CACNA2D3: variants seen among roughly 807,000 people sequenced by gnomAD.
CACNA2D3 encodes calcium voltage-gated channel auxiliary subunit alpha2delta 3, also known as voltage-dependent calcium channel subunit alpha-2/delta-3.
CACNA2D3 carries 60 observed loss-of-function variants against 160.6 expected under a neutral mutation model. That is an observed-to-expected ratio of 0.37 (90% CI 0.30 to 0.46). The LOEUF (loss-of-function observed/expected upper bound fraction) is 0.46, where lower values mean the gene tolerates loss of function less well. Among genes scored for constraint, CACNA2D3 ranks in the 20% least tolerant of loss-of-function variants. The pLI, the probability that CACNA2D3 is intolerant of heterozygous loss-of-function variation, is 1.00. For missense variants in CACNA2D3, 1,205 were observed against 1,365.0 expected, an observed-to-expected ratio of 0.88 and a Z score of 1.85; for synonymous variants, 558 against 492.9, an observed-to-expected ratio of 1.13 and a Z score of -1.75.
chr3:54,344,409 G>C (rs1193440723), intron 3 of CACNA2D3, among the ~76,000 whole-genome samples: 1 of 152,184 alleles, frequency 6.6e-6, no homozygotes, highest in Non-Finnish European at 1.5e-5. Flanking sequence ...GGGAGAAAGG[G>C]AGACCTATCC....
chr3:54,248,364 C>A (rs925405737), intron 2 of CACNA2D3, among the ~76,000 whole-genome samples: 13 of 151,780 alleles, frequency 8.6e-5, no homozygotes, highest in African/African-American at 3.1e-4. Flanking sequence ...TCCTGTAATC[C>A]CAGCAACTCG....
intron 31 of CACNA2D3, among the ~76,000 whole-genome samples, chr3:54,995,508 C>T (rs996778812): frequency 7.2e-5 from 11 of 152,186 alleles, no homozygotes; most frequent in African/African-American, 2.7e-4. Flanking sequence ...TTCAAGGTTA[C>T]CTCATGATTC....
intron 13 of CACNA2D3, among the ~76,000 whole-genome samples, chr3:54,795,251 T>C (rs1242405359): frequency 6.6e-6 from 1 of 152,140 alleles, no homozygotes; most frequent in Non-Finnish European, 1.5e-5. Context: ...TTGGTTTTTA[T>C]TGGTTTTTGA....
intron 4 of CACNA2D3, among the ~76,000 whole-genome samples, chr3:54,447,030 G>C (rs920470866): frequency 2.0e-5 from 3 of 152,104 alleles, no homozygotes; most frequent in African/African-American, 7.2e-5. Flanking sequence ...TACATAATAG[G>C]CACTTTTTTC....
chr3:54,299,990 C>G (rs1425148318), intron 2 of CACNA2D3, among the ~76,000 whole-genome samples: 1 of 152,200 alleles, frequency 6.6e-6, no homozygotes, highest in Non-Finnish European at 1.5e-5. Context: ...TCTCTCTCAG[C>G]ATTTGCTGCT....
At chr3:54,801,264 A>G (rs1445598146) in intron 13 of CACNA2D3, among the ~76,000 whole-genome samples, 2 of 152,184 alleles carry the variant, frequency 1.3e-5, no homozygotes, top group East Asian at 3.9e-4. Context: ...CTGGGATTAC[A>G]GGGGTGAGCC....
chr3:55,031,084 G>A (rs1217311704), intron 35 of CACNA2D3, among the ~76,000 whole-genome samples: 1 of 152,288 alleles, frequency 6.6e-6, no homozygotes, highest in South Asian at 2.1e-4. Context: ...CCGGAGGGTA[G>A]GAGACCAGCA....
chr3:54,353,620 A>G (rs1166035849), intron 3 of CACNA2D3, among the ~76,000 whole-genome samples: 1 of 152,098 alleles, frequency 6.6e-6, no homozygotes, highest in East Asian at 1.9e-4. Context: ...CCAGCCATGC[A>G]GTAGCGCAGA....
intron 2 of CACNA2D3, among the ~76,000 whole-genome samples, chr3:54,149,267 G>GCGCGCACACACA (rs111927276): frequency 1.2e-4 from 18 of 144,328 alleles, no homozygotes; most frequent in African/African-American, 4.7e-4. Flanking sequence ...GGTCCCATGT[G>GCGCGCACACACA]CACACACACA....
intron 11 of CACNA2D3, among the ~76,000 whole-genome samples, chr3:54,742,763 C>T (rs1701679043): frequency 1.3e-5 from 2 of 152,216 alleles, no homozygotes; most frequent in Non-Finnish European, 2.9e-5. Flanking sequence ...CTTTGCATGG[C>T]TTCCATCTAG....
chr3:54,752,953 C>T (rs879107625), intron 12 of CACNA2D3, among the ~76,000 whole-genome samples: 3 of 151,760 alleles, frequency 2.0e-5, no homozygotes, highest in East Asian at 1.9e-4. Flanking sequence ...CCACGCCTCC[C>T]GAGTTCAAGC....
At chr3:55,019,484 CTT>C (rs903953051) in intron 35 of CACNA2D3, among the ~76,000 whole-genome samples, 6 of 151,864 alleles carry the variant, frequency 4.0e-5, no homozygotes, top group African/African-American at 7.3e-5. Flanking sequence ...AATTTTATAA[CTT>C]TATATATTTA....
chr3:54,979,437 A>G (rs1379461902), intron 29 of CACNA2D3, among the ~76,000 whole-genome samples: 1 of 152,232 alleles, frequency 6.6e-6, no homozygotes, highest in Admixed American at 6.5e-5. Context: ...AAGTTAAGAT[A>G]CTCTCAAATA....
intron 9 of CACNA2D3, among the ~76,000 whole-genome samples, chr3:54,601,306 G>C (rs773542233): frequency 1.4e-4 from 22 of 152,194 alleles, no homozygotes; most frequent in Admixed American, 2.6e-4. Flanking sequence ...TGGTCTCAAA[G>C]GATCCTCCTA....
intron 2 of CACNA2D3, among the ~76,000 whole-genome samples, chr3:54,187,851 A>C (rs1003399775): frequency 6.6e-6 from 1 of 152,102 alleles, no homozygotes; most frequent in African/African-American, 2.4e-5. Context: ...ACAGAGGTGG[A>C]GCTCAGGTGG....
At chr3:54,296,551 C>T (rs1004553755) in intron 2 of CACNA2D3, among the ~76,000 whole-genome samples, 13 of 152,156 alleles carry the variant, frequency 8.5e-5, no homozygotes, top group African/African-American at 1.9e-4. Context: ...GATCCGTGCT[C>T]GCTTTTATTC....
At position 54,731,207 on chromosome 3, in the gene CACNA2D3, A is replaced by G. The variant is rs1701377745; in HGVS notation, c.1168-21392A>G. On this transcript the variant is annotated intron_variant, in intron 11 of 37. Coordinates refer to ENST00000474759, the MANE Select transcript of CACNA2D3 (RefSeq NM_018398.3). ...ATCTGTATGTACATACTTTTTTCAA[A>G]TTCTCAGACTCACATTTCCTCTAAG... Among the ~76,000 whole-genome samples the G allele has an allele frequency of 5.3e-5, 8 of 152,216 alleles. No individual in the cohort carries two copies. In the South Asian group the frequency reaches 1.5e-3, roughly 28 times the overall value.
intron 23 of CACNA2D3, among the ~76,000 whole-genome samples, chr3:54,886,693 A>G (rs867608791): frequency 4.0e-5 from 6 of 151,826 alleles, no homozygotes; most frequent in Admixed American, 1.3e-4. Context: ...TTATTATTTT[A>G]AAATATATAT....
At chr3:54,810,205 C>T (rs1406412824) in intron 13 of CACNA2D3, among the ~76,000 whole-genome samples, 1 of 152,144 alleles carries the variant, frequency 6.6e-6, no homozygotes, top group Non-Finnish European at 1.5e-5. Context: ...CACAGGCTGC[C>T]AAGTACCAGG....
Sources: allele counts gnomAD v4.1 joint callset (sites outside exome capture counted in the v4.1 genomes callset), GRCh38; gene constraint gnomAD v4.1.1; transcripts MANE v1.5; gene names NCBI Gene and HGNC (gene_info 2026-07-23, HGNC 2026-07-21).